The following PROM1 variants were observed in gnomAD, a reference collection of about 807,000 sequenced individuals.
The protein encoded by PROM1 is prominin-1.
Under a neutral mutation model 116.9 loss-of-function variants are expected in PROM1, and 105 were observed. The observed-to-expected ratio is 0.90, with a 90% CI of 0.77 to 1.06. The LOEUF (loss-of-function observed/expected upper bound fraction) is 1.06. Ranked by LOEUF, PROM1 falls within the 50% of genes least tolerant of loss-of-function variation. The pLI, the probability that PROM1 is intolerant of heterozygous loss-of-function variation, is 0.00. For missense variants in PROM1, 1,122 were observed against 1,045.2 expected (o/e 1.07, Z -1.01); for synonymous variants, 393 against 387.0 (o/e 1.02, Z -0.18).
At chr4:16,002,045 T>C (rs1234786054) in intron 13 of PROM1, among the ~76,000 whole-genome samples, 1 of 152,064 alleles carries the variant, frequency 6.6e-6, no homozygotes, top group African/African-American at 2.4e-5. Context: ...TGGATGTGTT[T>C]GAGAGCAGGT....
At chr4:16,074,183 T>C (rs1743448844) in intron 2 of PROM1, among the ~76,000 whole-genome samples, 1 of 152,218 alleles carries the variant, frequency 6.6e-6, no homozygotes, top group Admixed American at 6.5e-5. Flanking sequence ...TCAATAATAA[T>C]GTAATTGTAC....
At chr4:15,986,637 C>T (rs781471347) in intron 20 of PROM1, among the ~76,000 whole-genome samples, 29 of 152,318 alleles carry the variant, frequency 1.9e-4, no homozygotes, top group Non-Finnish European at 3.5e-4. Flanking sequence ...TGCACACCCT[C>T]GCCCTGTTCA....
intron 14 of PROM1, among the ~76,000 whole-genome samples, chr4:15,999,363 C>A (rs762807900): frequency 6.6e-6 from 1 of 151,516 alleles, no homozygotes; most frequent in Non-Finnish European, 1.5e-5. Context: ...TCCAGCTACT[C>A]GGGAGGCTGA....
At chr4:15,986,090 T>C (rs1413098750) in intron 20 of PROM1, 53 bp from the exon 21 acceptor site, 24 of 1,306,266 alleles carry the variant, frequency 1.8e-5, no homozygotes, top group South Asian at 1.4e-4. Flanking sequence ...AAGTTTTAAT[T>C]AGACAATTTG....
At chr4:16,033,185 G>T in intron 5 of PROM1, 119 bp downstream of exon 5, 1 of 848,768 alleles carries the variant, frequency 1.2e-6, no homozygotes, top group Non-Finnish European at 1.8e-6. Context: ...CTGTTTGGTG[G>T]GTTTTTTTTT....
rs888317201 is a variant in PROM1 at position 16,020,009 on chromosome 4, T to G, written c.785-1469A>C. Among the ~76,000 whole-genome samples the G allele has an allele frequency of 9.8e-5, 15 of 152,346 alleles. 1 individual carries two copies. Among genetic ancestry groups the G allele is most frequent in the African/African-American group, 3.1e-4 (13 of 41,586 alleles). ...TGGCAAACTCTCACTTCTCAGGACC[T>G]TGGTCTCATCTATAAATTAGGGAGT... On this transcript the variant is annotated intron_variant, in intron 8 of 27. Transcript: ENST00000447510.
At chr4:15,991,769 C>T (rs1721053705) in intron 17 of PROM1, among the ~76,000 whole-genome samples, 1 of 151,220 alleles carries the variant, frequency 6.6e-6, no homozygotes, top group African/African-American at 2.4e-5. Context: ...CCCGTCTCTA[C>T]TAAAAATACA....
rs181255076 is a variant in PROM1 at position 16,075,641 on chromosome 4, G to A, written c.220+46C>T. The A allele has an allele frequency of 4.0e-6, 6 of 1,514,256 alleles. 1 individual carries two copies. Among genetic ancestry groups the A allele is most frequent in the East Asian group, 2.3e-5 (1 of 42,624 alleles). The allele number at this position is 1,514,256 out of a possible 1,614,324, so 93.8% of individuals were successfully genotyped here. A position where few individuals can be genotyped will look rare whatever the true frequency, so the allele number is the denominator to read the frequency against. Reference sequence around the variant, plus strand: ...TTGACATTAAAAAACAATATTGTGGGTGCGTTTGGAGATAAATCCTATCTT... The same window carrying A: ...TTGACATTAAAAAACAATATTGTGGATGCGTTTGGAGATAAATCCTATCTT... On this transcript the variant is annotated intron_variant, in intron 2 of 27. Transcript: ENST00000447510.
intron 15 of PROM1, 105 bp downstream of exon 15, chr4:15,998,280 C>T (rs1722822591): frequency 7.1e-7 from 1 of 1,416,570 alleles, no homozygotes; most frequent in South Asian, 1.5e-5. Flanking sequence ...ATCTCTGAAA[C>T]ATGAAAGTCA....
chr4:16,004,641 A>C (rs1378990205), intron 13 of PROM1, among the ~76,000 whole-genome samples: 1 of 152,202 alleles, frequency 6.6e-6, no homozygotes, highest in Non-Finnish European at 1.5e-5. Context: ...CATTAAAAGT[A>C]ATGGCAAAAA....
chr4:16,013,287 T>C lies in PROM1; in HGVS notation c.1129A>G (p.Thr377Ala), dbSNP rs1351488625. ...CTGTGAATCTCACCTGCTACGACAG[T>C]CGTGGTTTGGCGTTGTACTCTGTCA... is the stretch of plus-strand genomic sequence containing the variant. ...IPDRVQRQTT[T>A]VVAGIKRVLN... The change falls in exon 11 of 28, where the codon ACT becomes GCT. Residue 377 changes from threonine (T) to alanine (A), a missense_variant. Physicochemically the swap from Thr to Ala is moderately conservative, Grantham distance 58 (BLOSUM62 0). Transcript: ENST00000447510. The C allele has an allele frequency of 6.2e-7, 1 of 1,607,706 alleles. No individual in the cohort carries two copies. Among genetic ancestry groups the C allele is most frequent in the African/African-American group, 1.3e-5 (1 of 74,766 alleles).
In PROM1 at chr4:16,036,988, A is replaced by G. The variant is rs1050341484; in HGVS notation, c.277-1227T>C. Among the ~76,000 whole-genome samples, 83 of 152,176 alleles carry G rather than the reference A, an allele frequency of 5.5e-4. 3 individuals carry two copies. Among genetic ancestry groups the G allele is most frequent in the Non-Finnish European group, 8.8e-5 (6 of 68,030 alleles). ...TTCATTTGCAAAGGCAAGGAAAGAG[A>G]GCAGGAGCCAGGGGTATAAACCAAG... On this transcript the variant is annotated intron_variant, in intron 3 of 27. Transcript: ENST00000447510.
intron 1 of PROM1, 37 bp from the exon 2 acceptor site, chr4:16,076,155 C>A (rs1384097019): frequency 3.1e-6 from 2 of 646,196 alleles, no homozygotes; most frequent in South Asian, 3.0e-5. Flanking sequence ...GTCATCAATG[C>A]GTGTAAACTG....
intron 18 of PROM1, among the ~76,000 whole-genome samples, chr4:15,990,777 C>A (rs1476663000): frequency 2.0e-5 from 3 of 152,208 alleles, no homozygotes. Flanking sequence ...GACAGCTAAC[C>A]ATTGCCATGG....
At chr4:16,055,526 C>CA (rs950812991) in intron 2 of PROM1, 34 of 441,576 alleles carry the variant, frequency 7.7e-5, no homozygotes, top group East Asian at 4.9e-4. Context: ...TCCCTAGAAC[C>CA]AAATAGCCTA....
intron 24 of PROM1, 63 bp downstream of exon 24, chr4:15,980,359 A>G (rs1047320414): frequency 4.4e-6 from 5 of 1,146,780 alleles, no homozygotes; most frequent in Middle Eastern, 2.0e-4. Context: ...ATCTTTAGCA[A>G]CTCTTTGAAG....
At chr4:16,020,482 T>C (rs1729567755) in intron 8 of PROM1, among the ~76,000 whole-genome samples, 1 of 151,854 alleles carries the variant, frequency 6.6e-6, no homozygotes, top group African/African-American at 2.4e-5. Context: ...AGAAAAGAAC[T>C]CAGCTGCAAC....
intron 2 of PROM1, among the ~76,000 whole-genome samples, chr4:16,040,187 C>T (rs1365034686): frequency 6.6e-6 from 1 of 152,170 alleles, no homozygotes; most frequent in Non-Finnish European, 1.5e-5. Context: ...ACAAAGCAAG[C>T]CACTTTCCCA....
chr4:16,048,786 C>T (rs1737153637), intron 2 of PROM1, among the ~76,000 whole-genome samples: 4 of 152,166 alleles, frequency 2.6e-5, no homozygotes, highest in Admixed American at 2.6e-4. Context: ...ACATCTGGAC[C>T]AGTCTGGCCT....
Sources: allele counts gnomAD v4.1 joint callset (sites outside exome capture counted in the v4.1 genomes callset), GRCh38; gene constraint gnomAD v4.1.1; transcripts MANE v1.5; gene names NCBI Gene and HGNC (gene_info 2026-07-23, HGNC 2026-07-21).